Variants in NT5M observed in about 807,000 individuals in gnomAD.
The protein encoded by NT5M is 5'(3')-deoxyribonucleotidase, mitochondrial.
A neutral mutation model predicts 22.2 loss-of-function variants in NT5M; 22 were observed. The observed-to-expected ratio is 0.99, with a 90% CI of 0.71 to 1.41. The LOEUF is 1.41. Among genes scored for constraint, NT5M ranks in the 40% most tolerant of loss-of-function variants. NT5M has a pLI of 0.00. For missense variants in NT5M, 322 were observed against 314.8 expected (o/e 1.02, Z -0.17); for synonymous variants, 167 against 133.0 (o/e 1.26, Z -1.76).
At chr17:17,333,861 TCTCA>T (rs1254286807) in intron 3 of NT5M, among the ~76,000 whole-genome samples, 1 of 139,570 alleles carries the variant, frequency 7.2e-6, no homozygotes, top group African/African-American at 2.7e-5. Flanking sequence ...TGAGATGGAG[TCTCA>T]CTCTGTCACC....
In NT5M at chr17:17,306,589, T is replaced by C. The variant is rs756151495; in HGVS notation, c.314T>C (p.Leu105Pro). 1.9e-6 allele frequency: 3 copies of C among 1,614,078 alleles called. No individual in the cohort carries two copies. Among genetic ancestry groups the C allele is most frequent in the Non-Finnish European group, 2.5e-6 (3 of 1,180,016 alleles). ...GAGTCAAAGAATTTCTTTTTTGAAC[T>C]TGAGCCTCTGCCAGGGGCCGTGGAA... The part of the protein sequence containing the change: ...IWESKNFFFE[L>P]EPLPGAVEAV... The change falls in exon 2 of 5, where the codon CTT becomes CCT. Residue 105 changes from leucine (L) to proline (P), a missense_variant. Physicochemically the swap from Leu to Pro is moderately conservative, Grantham distance 98. Transcript: ENST00000389022.
At chr17:17,338,722 TG>T (rs2049575585) in intron 3 of NT5M, among the ~76,000 whole-genome samples, 1 of 120,706 alleles carries the variant, frequency 8.3e-6, no homozygotes, top group African/African-American at 3.3e-5. Context: ...AGAATGTCAT[TG>T]GTATTTTTTT....
intron 3 of NT5M, among the ~76,000 whole-genome samples, chr17:17,344,003 A>G (rs2049703369): frequency 6.6e-6 from 1 of 152,128 alleles, no homozygotes; most frequent in Non-Finnish European, 1.5e-5. Context: ...CTGCTACCCT[A>G]TAGGAAAAAG....
intron 3 of NT5M, among the ~76,000 whole-genome samples, chr17:17,343,244 T>C (rs939344524): frequency 6.6e-6 from 1 of 151,582 alleles, no homozygotes; most frequent in African/African-American, 2.4e-5. Flanking sequence ...CCTGTGCATA[T>C]GTGTGTGTGT....
At position 17,332,961 on chromosome 17, in the gene NT5M, TA is replaced by T. The variant is rs1041188266; in HGVS notation, c.429+9724del. Among the ~76,000 whole-genome samples, 7 of 152,114 alleles carry T rather than the reference TA, an allele frequency of 4.6e-5. No homozygotes were observed. In the East Asian group the frequency reaches 5.8e-4, roughly 13 times the overall value. On this transcript the variant is annotated intron_variant, in intron 3 of 4. Coordinates refer to ENST00000389022, the MANE Select transcript of NT5M (RefSeq NM_020201.4). Reference sequence around the variant, plus strand: ...ACCTGCTCTAAAAAATAAAGTCTCTTAAAAAAAATCCACAGTGAATGAGAGT... The same window carrying T: ...ACCTGCTCTAAAAAATAAAGTCTCTTAAAAAAATCCACAGTGAATGAGAGT...
At chr17:17,330,436 C>T (rs34100977) in intron 3 of NT5M, among the ~76,000 whole-genome samples, 36,237 of 148,336 alleles carry the variant, frequency 0.24, 4,835 homozygotes, top group African/African-American at 0.35. Context: ...AATGCAATGG[C>T]GTGATCTCAG....
chr17:17,306,644 G>C lies in NT5M; in HGVS notation c.368+1G>C. Reference sequence around the variant, plus strand: ...TCAAGGAGATGGCCAGCCTACAAAAGTAAGTTTGTCCTCCCAGCCACTCAG... The same window carrying C: ...TCAAGGAGATGGCCAGCCTACAAAACTAAGTTTGTCCTCCCAGCCACTCAG... On this transcript the variant is annotated splice_donor_variant, in intron 2 of 4. Coordinates refer to ENST00000389022, the MANE Select transcript of NT5M (RefSeq NM_020201.4). LOFTEE classifies it high-confidence loss of function. The C allele has an allele frequency of 6.2e-7, 1 of 1,607,742 alleles. No individual in the cohort carries two copies. Among genetic ancestry groups the C allele is most frequent in the Non-Finnish European group, 8.5e-7 (1 of 1,174,266 alleles).
At chr17:17,329,862 C>T (rs1427503717) in intron 3 of NT5M, among the ~76,000 whole-genome samples, 1 of 152,040 alleles carries the variant, frequency 6.6e-6, no homozygotes, top group Non-Finnish European at 1.5e-5. Context: ...GTTGCAGCAT[C>T]TTGGGAAGCT....
intron 3 of NT5M, 22 bp downstream of exon 3, chr17:17,323,267 C>G (rs773907033): frequency 6.2e-7 from 1 of 1,605,600 alleles, no homozygotes. Context: ...GTCTGCTCAG[C>G]TGAGCCCTTA....
rs1421564911 is a variant in NT5M, at chr17:17,303,491, G to C, written c.-60G>C. Reference sequence around the variant, plus strand: ...CCTCCGCGGCGGGAATGTCTGGCCGGCTCCGGCAGCACGGCGCGGCCCAGG... The same window carrying C: ...CCTCCGCGGCGGGAATGTCTGGCCGCCTCCGGCAGCACGGCGCGGCCCAGG... On this transcript the variant is annotated 5_prime_UTR_variant, in exon 1 of 5. Coordinates refer to ENST00000389022, the MANE Select transcript of NT5M (RefSeq NM_020201.4). The C allele has an allele frequency of 9.8e-7, 1 of 1,019,114 alleles. No individual in the cohort carries two copies. The highest frequency in any genetic ancestry group is 1.7e-5 in the African/African-American group (1 of 57,836). 63.1% of individuals were successfully genotyped at this position (1,019,114 alleles called of 1,614,324 possible). A position where few individuals can be genotyped will look rare whatever the true frequency, so the allele number is the denominator to read the frequency against.
intron 4 of NT5M, among the ~76,000 whole-genome samples, chr17:17,346,140 C>A (rs1039379692): frequency 2.6e-5 from 4 of 152,288 alleles, no homozygotes; most frequent in East Asian, 3.9e-4. Context: ...GTACCCACCC[C>A]ACCCCACCCT....
At position 17,338,195 on chromosome 17, in the gene NT5M, C is replaced by CTT. The variant is rs35575792; in HGVS notation, c.430-6585_430-6584dup. ...TGGATTTATCTGTGGGTTCTGTGATCTTTTTTTTTTTTTTTGAGACGGAGT... is the reference window on the plus strand; with the variant it reads ...TGGATTTATCTGTGGGTTCTGTGATCTTTTTTTTTTTTTTTTTGAGACGGAGT... On this transcript the variant is annotated intron_variant, in intron 3 of 4. Coordinates refer to ENST00000389022, the MANE Select transcript of NT5M (RefSeq NM_020201.4). 1.9e-4 allele frequency among the ~76,000 whole-genome samples: 27 copies of CTT among 143,094 alleles called. 1 individual carries two copies. Among genetic ancestry groups the CTT allele is most frequent in the South Asian group, 1.3e-3 (6 of 4,528 alleles). 93.9% of individuals were successfully genotyped at this position (143,094 alleles called of 152,430 possible). A position where few individuals can be genotyped will look rare whatever the true frequency, so the allele number is the denominator to read the frequency against.
At chr17:17,307,776 A>G (rs191668332) in intron 2 of NT5M, among the ~76,000 whole-genome samples, 181 of 152,278 alleles carry the variant, frequency 1.2e-3, no homozygotes, top group African/African-American at 3.5e-3. Flanking sequence ...TAATTGTTTG[A>G]ACCCAGGAGG....
At chr17:17,317,453 A>T (rs2049055519) in intron 2 of NT5M, among the ~76,000 whole-genome samples, 1 of 152,212 alleles carries the variant, frequency 6.6e-6, no homozygotes, top group East Asian at 1.9e-4. Context: ...ATCATCAGTC[A>T]TTAGGGAAAT....
chr17:17,332,872 G>A (rs573489345), intron 3 of NT5M, among the ~76,000 whole-genome samples: 8 of 152,230 alleles, frequency 5.3e-5, no homozygotes, highest in Admixed American at 6.5e-5. Flanking sequence ...GAGGCTGTGC[G>A]TTGTGTGGGA....
chr17:17,309,487 G>T (rs2048879107), intron 2 of NT5M, among the ~76,000 whole-genome samples: 1 of 152,156 alleles, frequency 6.6e-6, no homozygotes, highest in Non-Finnish European at 1.5e-5. Flanking sequence ...TTGAGGAACT[G>T]TCAAACTATT....
At chr17:17,317,694 G>A (rs1254078511) in intron 2 of NT5M, among the ~76,000 whole-genome samples, 2 of 152,210 alleles carry the variant, frequency 1.3e-5, no homozygotes, top group African/African-American at 4.8e-5. Context: ...GCCGGGCATG[G>A]TGGCTCACGC....
At chr17:17,324,581 C>T (rs1315490290) in intron 3 of NT5M, among the ~76,000 whole-genome samples, 1 of 151,944 alleles carries the variant, frequency 6.6e-6, no homozygotes, top group Non-Finnish European at 1.5e-5. Context: ...ACTTGCTGAA[C>T]AGTTGCTCTG....
intron 2 of NT5M, among the ~76,000 whole-genome samples, chr17:17,318,646 G>A (rs933575628): frequency 4.6e-5 from 7 of 151,212 alleles, no homozygotes; most frequent in East Asian, 1.9e-4. Flanking sequence ...TTAGCTGGAC[G>A]TGGTGGCACA....
Sources: gnomAD v4.1 joint callset for allele counts (sites outside exome capture counted in the v4.1 genomes callset) on GRCh38, gnomAD v4.1.1 for gene constraint, MANE v1.5 for transcripts, NCBI Gene and HGNC (gene_info 2026-07-23, HGNC 2026-07-21) for gene names.